Variants in GLYATL2 observed in about 807,000 individuals in gnomAD.
GLYATL2 encodes the protein glycine-N-acyltransferase like 2, also known as glycine N-acyltransferase-like protein 2.
In GLYATL2, 25 loss-of-function variants were observed where a neutral mutation model predicts 21.4. That is an observed-to-expected ratio of 1.17 (90% CI 0.85 to 1.63). GLYATL2 has a LOEUF of 1.63. GLYATL2 is among the 40% of genes most tolerant of loss of function. GLYATL2 has a pLI of 0.00. For missense variants in GLYATL2, 361 were observed against 343.3 expected (o/e 1.05, Z -0.41); for synonymous variants, 114 against 118.2 (o/e 0.96, Z 0.23).
chr11:58,892,596 A>C, intron 1 of GLYATL2: 1 of 267,386 alleles, frequency 3.7e-6, no homozygotes, highest in Non-Finnish European at 8.0e-6. Flanking sequence ...ATGATTAATC[A>C]TGTGGGAGCA....
At chr11:58,864,127 A>T (rs1853982001) in intron 1 of GLYATL2, among the ~76,000 whole-genome samples, 1 of 152,226 alleles carries the variant, frequency 6.6e-6, no homozygotes, top group Non-Finnish European at 1.5e-5. Context: ...CACGGGGGCT[A>T]GCCTGGCGCT....
chr11:58,886,399 A>G (rs1028904377), intron 1 of GLYATL2, among the ~76,000 whole-genome samples: 1 of 152,202 alleles, frequency 6.6e-6, no homozygotes, highest in Non-Finnish European at 1.5e-5. Flanking sequence ...ATTAAATCAC[A>G]TAGCTGCTGG....
chr11:58,882,567 C>A (rs556334839), intron 1 of GLYATL2, among the ~76,000 whole-genome samples: 1 of 152,180 alleles, frequency 6.6e-6, no homozygotes, highest in Non-Finnish European at 1.5e-5. Context: ...TTTTGCCATG[C>A]AGAAGCTCTT....
intron 1 of GLYATL2, among the ~76,000 whole-genome samples, chr11:58,899,523 T>C (rs887529651): frequency 6.6e-6 from 1 of 151,188 alleles, no homozygotes; most frequent in African/African-American, 2.4e-5. Context: ...AACAAATAAA[T>C]AGGAAAAGAG....
rs991298723 is a variant in GLYATL2 at position 58,844,519 on chromosome 11, T to C, written c.-126A>G. 2 of 152,218 alleles carry C rather than the reference T, an allele frequency of 1.3e-5. No homozygotes were observed. Among genetic ancestry groups the C allele is most frequent in the African/African-American group, 4.8e-5 (2 of 41,460 alleles). 9.4% of individuals were successfully genotyped at this position (152,218 alleles called of 1,614,324 possible). On this transcript the variant is annotated 5_prime_UTR_variant, in exon 1 of 6. Transcript: ENST00000287275. Reference sequence around the variant, plus strand: ...GGAAAGGTTTCTGTAGCTAATACTCTACGGACTGAAACACAATAAAATTCA... The same window carrying C: ...GGAAAGGTTTCTGTAGCTAATACTCCACGGACTGAAACACAATAAAATTCA...
chr11:58,900,729 C>T (rs1005617026), intron 1 of GLYATL2, among the ~76,000 whole-genome samples: 9 of 152,186 alleles, frequency 5.9e-5, no homozygotes, highest in Non-Finnish European at 1.2e-4. Context: ...ACACATGTCC[C>T]AGCATCTCCC....
chr11:58,864,324 G>C (rs1853986468), intron 1 of GLYATL2, among the ~76,000 whole-genome samples: 1 of 144,946 alleles, frequency 6.9e-6, no homozygotes, highest in Non-Finnish European at 1.5e-5. Flanking sequence ...CCTGGTCCCA[G>C]GGACCATCTG....
intron 1 of GLYATL2, among the ~76,000 whole-genome samples, chr11:58,868,173 T>C (rs749306245): frequency 6.7e-6 from 1 of 149,032 alleles, no homozygotes; most frequent in African/African-American, 2.4e-5. Context: ...CAGCTAGCAC[T>C]GGCACTGGAA....
At position 58,834,215 on chromosome 11, in the gene GLYATL2, G is replaced by A; in HGVS notation, c.*214C>T. ...GGGTGATTTTAATTCTGAGATGTCTGTCATAAAGGAAATTATGAGACCATA... is the reference window on the plus strand; with the variant it reads ...GGGTGATTTTAATTCTGAGATGTCTATCATAAAGGAAATTATGAGACCATA... On this transcript the variant is annotated 3_prime_UTR_variant, in exon 6 of 6. Coordinates refer to ENST00000287275, the MANE Select transcript of GLYATL2 (RefSeq NM_145016.4). 1 of 396,152 alleles carries A rather than the reference G, an allele frequency of 2.5e-6. No homozygotes were observed. Among genetic ancestry groups the A allele is most frequent in the East Asian group, 3.8e-5 (1 of 26,298 alleles). The allele number at this position is 396,152 out of a possible 1,614,324, so 24.5% of individuals were successfully genotyped here. A position where few individuals can be genotyped will look rare whatever the true frequency, so the allele number is the denominator to read the frequency against.
intron 1 of GLYATL2, among the ~76,000 whole-genome samples, chr11:58,876,475 T>G (rs1416073622): frequency 1.3e-5 from 2 of 152,228 alleles, no homozygotes; most frequent in African/African-American, 4.8e-5. Context: ...TTGGTGTGGA[T>G]GTCCTTTCTG....
intron 1 of GLYATL2, among the ~76,000 whole-genome samples, chr11:58,887,558 G>C (rs907032106): frequency 6.6e-6 from 1 of 152,058 alleles, no homozygotes; most frequent in Non-Finnish European, 1.5e-5. Context: ...GGGGTAATCA[G>C]TGTCCTTGCC....
chr11:58,874,629 T>A (rs1854191843), intron 1 of GLYATL2, among the ~76,000 whole-genome samples: 1 of 152,248 alleles, frequency 6.6e-6, no homozygotes, highest in African/African-American at 2.4e-5. Flanking sequence ...TGAGTTCTAG[T>A]TTGATTGCAC....
At chr11:58,855,579 A>G (rs1162202066) in intron 1 of GLYATL2, among the ~76,000 whole-genome samples, 2 of 152,214 alleles carry the variant, frequency 1.3e-5, no homozygotes, top group Non-Finnish European at 2.9e-5. Flanking sequence ...GCTTCAACTT[A>G]AAATAACCAG....
rs2134573083 is a variant in GLYATL2, at chr11:58,839,626, T to G, written c.-14A>C. On this transcript the variant is annotated 5_prime_UTR_variant, in exon 2 of 6. Transcript: ENST00000287275. ...AAGCACAAGCATCTTATGTAGCACT[T>G]CAGCTTCTTTCCCTCAAGAAGATGA... 1 of 1,588,968 alleles carries G rather than the reference T, an allele frequency of 6.3e-7. No homozygotes were observed. Among genetic ancestry groups the G allele is most frequent in the Non-Finnish European group, 8.6e-7 (1 of 1,161,510 alleles).
chr11:58,844,725 T>G (rs553812782), upstream of GLYATL2: 1 of 152,354 alleles, frequency 6.6e-6, no homozygotes, highest in South Asian at 2.1e-4. Context: ...CAAGAAGCTT[T>G]TGATTTATAT....
chr11:58,855,781 C>T (rs193014619), intron 1 of GLYATL2, among the ~76,000 whole-genome samples: 1 of 152,190 alleles, frequency 6.6e-6, no homozygotes, highest in African/African-American at 2.4e-5. Flanking sequence ...TCTGGATAAT[C>T]TTTTACAATT....
At position 58,839,556 on chromosome 11, in the gene GLYATL2, C is replaced by CAG. The variant is rs764849214; in HGVS notation, c.56_57insCT (p.Lys19AsnfsTer2). On this transcript the variant is annotated frameshift_variant, in exon 2 of 6. Transcript: ENST00000287275. LOFTEE classifies it high-confidence loss of function. The stretch of plus-strand genomic sequence containing the variant: ...TTACCTTTATGGATTCAGGGATGCT[C>CAG]TTTTCTAAGGATTTATACAGAATCT... The CAG allele has an allele frequency of 3.7e-6, 6 of 1,611,248 alleles. No homozygotes were observed. The Admixed American group carries it at 1.0e-4, about 27-fold the overall frequency.
chr11:58,866,116 A>C (rs1296569858), intron 1 of GLYATL2, among the ~76,000 whole-genome samples: 5 of 148,836 alleles, frequency 3.4e-5, no homozygotes, highest in African/African-American at 1.2e-4. Flanking sequence ...TCACCAACCC[A>C]GAACAGTTTG....
intron 1 of GLYATL2, among the ~76,000 whole-genome samples, chr11:58,898,069 C>T (rs565274747): frequency 3.9e-5 from 6 of 152,284 alleles, no homozygotes; most frequent in Admixed American, 2.0e-4. Context: ...ATAATATTCC[C>T]TTAGTAATTT....
Sources: gnomAD v4.1 joint callset for allele counts (sites outside exome capture counted in the v4.1 genomes callset) on GRCh38, gnomAD v4.1.1 for gene constraint, MANE v1.5 for transcripts, NCBI Gene and HGNC (gene_info 2026-07-23, HGNC 2026-07-21) for gene names.